EBF1: variants seen among roughly 807,000 people sequenced by gnomAD.
EBF1 encodes transcription factor COE1.
EBF1 carries 10 observed loss-of-function variants against 68.4 expected under a neutral mutation model. That is an observed-to-expected ratio of 0.15 (90% CI 0.09 to 0.25). The LOEUF is 0.25. Among genes scored for constraint, EBF1 ranks in the 10% least tolerant of loss-of-function variants. EBF1 has a pLI of 1.00. For synonymous variants in EBF1, 298 were observed against 299.8 expected (o/e 0.99, Z 0.06); for missense variants, 509 against 794.4 (o/e 0.64, Z 4.32).
At chr5:158,828,967 C>A (rs11135047) in intron 7 of EBF1, among the ~76,000 whole-genome samples, 2 of 151,936 alleles carry the variant, frequency 1.3e-5, no homozygotes, top group Non-Finnish European at 2.9e-5. Context: ...TCCAACTATA[C>A]GATATTCTGG....
chr5:158,961,661 C>T (rs946753707), intron 6 of EBF1, among the ~76,000 whole-genome samples: 1 of 152,040 alleles, frequency 6.6e-6, no homozygotes, highest in African/African-American at 2.4e-5. Flanking sequence ...TCTTTCCAGT[C>T]TGTATTCTTT....
chr5:158,769,105 G>T (rs1160364088), intron 10 of EBF1, among the ~76,000 whole-genome samples: 1 of 152,184 alleles, frequency 6.6e-6, no homozygotes, highest in Non-Finnish European at 1.5e-5. Context: ...AATAGTTCAT[G>T]TTCCTTAATA....
intron 9 of EBF1, among the ~76,000 whole-genome samples, chr5:158,781,019 C>G (rs1368611371): frequency 7.9e-5 from 12 of 152,162 alleles, no homozygotes; most frequent in Non-Finnish European, 1.2e-4. Context: ...TCTGTAGCAT[C>G]TGCCACTACT....
chr5:158,795,269 C>T (rs966415539), intron 9 of EBF1, among the ~76,000 whole-genome samples: 4 of 152,158 alleles, frequency 2.6e-5, no homozygotes, highest in African/African-American at 9.7e-5. Flanking sequence ...CTTTGTGTGG[C>T]CATATACAAA....
At position 158,698,976 on chromosome 5, in the gene EBF1, G is replaced by A. The variant is rs1756199303; in HGVS notation, c.*135C>T. 1 of 744,118 alleles carries A rather than the reference G, an allele frequency of 1.3e-6. No homozygotes were observed. Among genetic ancestry groups the A allele is most frequent in the Non-Finnish European group, 2.0e-6 (1 of 489,890 alleles). The allele number at this position is 744,118 out of a possible 1,614,324, so 46.1% of individuals were successfully genotyped here. ...ATTTGCAAGGTCGGTGATTTTGTTT[G>A]TTTAAAAATCTGCAGTTATTGTGAT... On this transcript the variant is annotated 3_prime_UTR_variant, in exon 16 of 16. Transcript: ENST00000313708.
At chr5:159,073,562 G>A in intron 5 of EBF1, 98 bp from the exon 6 acceptor site, 1 of 1,315,258 alleles carries the variant, frequency 7.6e-7, no homozygotes, top group South Asian at 1.2e-5. Flanking sequence ...GCAAATGCTA[G>A]AATTACCACA....
intron 6 of EBF1, among the ~76,000 whole-genome samples, chr5:158,852,058 GA>G (rs1793016208): frequency 1.3e-5 from 1 of 75,570 alleles, no homozygotes; most frequent in Non-Finnish European, 2.7e-5. Flanking sequence ...GAGAGGGGAG[GA>G]GAGGGGAGGA....
At chr5:159,084,571 C>CAAAAA in intron 5 of EBF1, 95 bp downstream of exon 5, 2 of 834,952 alleles carry the variant, frequency 2.4e-6, no homozygotes, top group South Asian at 3.2e-5. Context: ...AAATGTGTAC[C>CAAAAA]AAAAAAAAAA....
rs1253001236 is a variant in EBF1 at position 158,697,911 on chromosome 5, T to C, written c.*1200A>G. 1.9e-5 allele frequency: 4 copies of C among 208,266 alleles called. No individual in the cohort carries two copies. Among genetic ancestry groups the C allele is most frequent in the African/African-American group, 2.3e-5 (1 of 43,946 alleles). 12.9% of individuals were successfully genotyped at this position (208,266 alleles called of 1,614,324 possible). ...CAGATAATGAGAGCAAAAATTCCCA[T>C]AGAACAGAAAACTATGTTTTGGAGG... On this transcript the variant is annotated 3_prime_UTR_variant, in exon 16 of 16. Coordinates refer to ENST00000313708, the MANE Select transcript of EBF1 (RefSeq NM_024007.5).
chr5:158,841,421 G>T (rs534700441), intron 6 of EBF1, among the ~76,000 whole-genome samples: 1 of 152,278 alleles, frequency 6.6e-6, no homozygotes, highest in East Asian at 1.9e-4. Context: ...TTTACTACTA[G>T]GCCTAGATGT....
chr5:158,945,240 A>T (rs1352899907), intron 6 of EBF1, among the ~76,000 whole-genome samples: 2 of 152,102 alleles, frequency 1.3e-5, no homozygotes, highest in African/African-American at 4.8e-5. Flanking sequence ...TCTTGAGTTA[A>T]TTTTTGTATA....
At chr5:158,947,455 G>A (rs1472065993) in intron 6 of EBF1, among the ~76,000 whole-genome samples, 3 of 152,188 alleles carry the variant, frequency 2.0e-5, no homozygotes, top group Non-Finnish European at 2.9e-5. Context: ...GGAGTTTCCT[G>A]ACTGCTTGTG....
chr5:158,849,666 A>G (rs138779262), intron 6 of EBF1, among the ~76,000 whole-genome samples: 31 of 152,368 alleles, frequency 2.0e-4, no homozygotes, highest in African/African-American at 7.5e-4. Flanking sequence ...CAAAGCACTG[A>G]ATACACAGCT....
At chr5:158,900,301 G>A (rs1803020927) in intron 6 of EBF1, among the ~76,000 whole-genome samples, 1 of 152,174 alleles carries the variant, frequency 6.6e-6, no homozygotes, top group Non-Finnish European at 1.5e-5. Context: ...GGAGAGGGGA[G>A]TGGAGGGTGC....
intron 6 of EBF1, among the ~76,000 whole-genome samples, chr5:158,870,288 A>G (rs959261524): frequency 2.0e-5 from 3 of 152,252 alleles, no homozygotes; most frequent in Admixed American, 6.5e-5. Flanking sequence ...AATTTAGGAC[A>G]AGAAAATAAA....
chr5:158,795,550 C>T (rs1338352334), intron 9 of EBF1, among the ~76,000 whole-genome samples: 1 of 152,122 alleles, frequency 6.6e-6, no homozygotes, highest in East Asian at 1.9e-4. Context: ...TTATTCTAAA[C>T]TTTAGTGAAG....
chr5:158,992,679 GT>G (rs1013121878), intron 6 of EBF1, among the ~76,000 whole-genome samples: 3 of 151,498 alleles, frequency 2.0e-5, no homozygotes, highest in African/African-American at 7.3e-5. Flanking sequence ...TGTTGCAATT[GT>G]TTTTTTTGGA....
intron 11 of EBF1, among the ~76,000 whole-genome samples, chr5:158,725,699 T>C (rs1762850419): frequency 6.6e-6 from 1 of 152,162 alleles, no homozygotes. Flanking sequence ...TGAGAGAAAA[T>C]GCACTGAGAA....
intron 6 of EBF1, among the ~76,000 whole-genome samples, chr5:158,959,711 T>A (rs1382595372): frequency 6.6e-6 from 1 of 152,158 alleles, no homozygotes; most frequent in Non-Finnish European, 1.5e-5. Context: ...CTCAATTTAG[T>A]AGAGATGTCA....
Sources: gnomAD v4.1 joint callset for allele counts (sites outside exome capture counted in the v4.1 genomes callset) on GRCh38, gnomAD v4.1.1 for gene constraint, MANE v1.5 for transcripts, NCBI Gene and HGNC (gene_info 2026-07-23, HGNC 2026-07-21) for gene names.